Variants in NARS2 observed in about 807,000 individuals in gnomAD.
The protein encoded by NARS2 is asparaginyl-tRNA synthetase.
Under a neutral mutation model 62.9 loss-of-function variants are expected in NARS2, and 60 were observed. The observed-to-expected ratio is 0.95, with a 90% CI of 0.77 to 1.18. The LOEUF (loss-of-function observed/expected upper bound fraction) is 1.18. Ranked by LOEUF, NARS2 falls within the 50% of genes most tolerant of loss-of-function variation. The probability of loss-of-function intolerance (pLI) is 0.00; values close to 1 mark genes in which losing one functional copy is unlikely to be tolerated. For missense variants in NARS2, 619 were observed against 576.4 expected, an observed-to-expected ratio of 1.07 and a Z score of -0.76; for synonymous variants, 196 against 200.0, an observed-to-expected ratio of 0.98 and a Z score of 0.17.
intron 6 of NARS2, among the ~76,000 whole-genome samples, chr11:78,509,274 C>T (rs1375115942): frequency 1.3e-5 from 2 of 151,970 alleles, no homozygotes; most frequent in East Asian, 3.9e-4. Context: ...TAAGACATTC[C>T]TACTTAAACA....
At chr11:78,526,407 C>T (rs191138726) in intron 6 of NARS2, among the ~76,000 whole-genome samples, 60 of 152,174 alleles carry the variant, frequency 3.9e-4, no homozygotes, top group African/African-American at 1.3e-3. Context: ...ACTCTGGTTT[C>T]TCTTCAGATT....
intron 7 of NARS2, among the ~76,000 whole-genome samples, chr11:78,492,149 T>C (rs1422679725): frequency 6.6e-6 from 1 of 151,632 alleles, no homozygotes; most frequent in African/African-American, 2.4e-5. Context: ...ATAGATTTTA[T>C]CTACCTGATC....
chr11:78,488,706 A>C (rs1233937035), intron 7 of NARS2, among the ~76,000 whole-genome samples: 3 of 152,246 alleles, frequency 2.0e-5, no homozygotes, highest in Admixed American at 1.3e-4. Context: ...GGTAAAGGGA[A>C]ATACATAGTA....
intron 7 of NARS2, among the ~76,000 whole-genome samples, chr11:78,481,024 T>C (rs973916953): frequency 6.6e-6 from 1 of 152,134 alleles, no homozygotes; most frequent in East Asian, 1.9e-4. Context: ...TTTCACCATG[T>C]TGGCCAGGCT....
chr11:78,548,791 T>TA (rs917049811), intron 5 of NARS2, among the ~76,000 whole-genome samples: 13 of 151,884 alleles, frequency 8.6e-5, no homozygotes, highest in Non-Finnish European at 1.8e-4. Context: ...AAATGTTATT[T>TA]AAAAAAAAAT....
intron 9 of NARS2, among the ~76,000 whole-genome samples, chr11:78,474,590 G>C (rs2063728): frequency 0.21 from 32,579 of 152,044 alleles, 3,870 homozygotes; most frequent in East Asian, 0.42. Flanking sequence ...AGAGGATCCA[G>C]CCTAAAGAAT....
intron 10 of NARS2, among the ~76,000 whole-genome samples, chr11:78,468,385 A>C (rs1307807722): frequency 1.4e-5 from 2 of 148,070 alleles, no homozygotes; most frequent in East Asian, 2.0e-4. Flanking sequence ...AACTTATTTG[A>C]TAATATAACT....
chr11:78,532,029 A>C (rs1168975223), intron 5 of NARS2, among the ~76,000 whole-genome samples: 1 of 152,234 alleles, frequency 6.6e-6, no homozygotes, highest in Non-Finnish European at 1.5e-5. Context: ...TTATGACATA[A>C]ATTTCACCTC....
At chr11:78,554,508 C>CATGTGTGTGTGTGTGT (rs1555041423) in intron 5 of NARS2, among the ~76,000 whole-genome samples, 6 of 146,912 alleles carry the variant, frequency 4.1e-5, no homozygotes, top group South Asian at 2.2e-4. Flanking sequence ...GGCGTGTGTG[C>CATGTGTGTGTGTGTGT]GTGTGTGTGT....
intron 4 of NARS2, among the ~76,000 whole-genome samples, chr11:78,564,643 A>G (rs910113034): frequency 3.9e-5 from 6 of 152,166 alleles, no homozygotes; most frequent in African/African-American, 1.2e-4. Context: ...TTCAGAACTA[A>G]TAATTTATCA....
At chr11:78,512,273 A>G (rs1590798438) in intron 6 of NARS2, among the ~76,000 whole-genome samples, 2 of 152,242 alleles carry the variant, frequency 1.3e-5, no homozygotes, top group East Asian at 3.9e-4. Context: ...GCTTGTTCCA[A>G]TCCTCTGCTT....
intron 3 of NARS2, among the ~76,000 whole-genome samples, chr11:78,567,641 C>T (rs540154553): frequency 6.6e-6 from 1 of 152,228 alleles, no homozygotes; most frequent in East Asian, 1.9e-4. Flanking sequence ...AATCTTAGAA[C>T]CTGATTTCTG....
intron 6 of NARS2, among the ~76,000 whole-genome samples, chr11:78,498,857 T>C (rs1860167463): frequency 6.6e-6 from 1 of 151,398 alleles, no homozygotes; most frequent in Admixed American, 6.6e-5. Context: ...ATATATATTT[T>C]ATTTGGTTCA....
chr11:78,574,448 C>A lies in NARS2; in HGVS notation c.41G>T (p.Cys14Phe). 1.2e-6 allele frequency: 2 copies of A among 1,613,946 alleles called. No individual in the cohort carries two copies. Among genetic ancestry groups the A allele is most frequent in the Admixed American group, 1.7e-5 (1 of 60,020 alleles). The part of the protein sequence containing the change: ...VRCLLRSVRF[C>F]SSAPFPKHKP... ...GTGCTTGGGGAAGGGGGCGGAGGAA[C>A]AGAAGCGCACGGACCGCAGCAGGCA... Residue 14 changes from cysteine (C) to phenylalanine (F), a missense_variant, in exon 1 of 14, where the codon TGT (cysteine) becomes TTT (phenylalanine). Transcript: ENST00000281038.
intron 1 of NARS2, among the ~76,000 whole-genome samples, chr11:78,572,228 T>C (rs751348234): frequency 6.6e-6 from 1 of 152,240 alleles, no homozygotes; most frequent in East Asian, 1.9e-4. Flanking sequence ...GACTACTTTC[T>C]TACTTTCACT....
At chr11:78,494,034 C>T (rs1253190125) in intron 6 of NARS2, among the ~76,000 whole-genome samples, 1 of 152,210 alleles carries the variant, frequency 6.6e-6, no homozygotes. Context: ...CCTTGACGAC[C>T]ACCTGTCTTT....
intron 11 of NARS2, 94 bp downstream of exon 11, chr11:78,465,782 A>T (rs1260016666): frequency 8.2e-6 from 11 of 1,342,274 alleles, no homozygotes; most frequent in Non-Finnish European, 1.2e-5. Flanking sequence ...TAAGAGATAG[A>T]GTGATAGATG....
intron 7 of NARS2, among the ~76,000 whole-genome samples, chr11:78,489,289 T>C (rs1006467105): frequency 2.0e-5 from 3 of 151,884 alleles, no homozygotes; most frequent in African/African-American, 7.3e-5. Flanking sequence ...TAAAAATACA[T>C]CTCACAGGAG....
chr11:78,546,502 C>G (rs1361759633), intron 5 of NARS2: 1 of 152,198 alleles, frequency 6.6e-6, no homozygotes, highest in Non-Finnish European at 1.5e-5. Context: ...CTCTATTTTA[C>G]TTTTAGATTT....
Sources: gnomAD v4.1 joint callset for allele counts (sites outside exome capture counted in the v4.1 genomes callset) on GRCh38, gnomAD v4.1.1 for gene constraint, MANE v1.5 for transcripts, NCBI Gene and HGNC (gene_info 2026-07-23, HGNC 2026-07-21) for gene names.